A2M: variants seen among roughly 807,000 people sequenced by gnomAD.
The protein encoded by A2M is C3 and PZP-like alpha-2-macroglobulin domain-containing protein 5.
A neutral mutation model predicts 183.9 loss-of-function variants in A2M; 128 were observed. The observed-to-expected ratio is 0.70, with a 90% CI of 0.60 to 0.81. The LOEUF is 0.81. Ranked by LOEUF, A2M falls within the 30% of genes least tolerant of loss-of-function variation. The pLI is 0.00. For missense variants in A2M, 1,495 were observed against 1,787.6 expected, an observed-to-expected ratio of 0.84 and a Z score of 2.95; for synonymous variants, 592 against 670.8, an observed-to-expected ratio of 0.88 and a Z score of 1.81.
intron 25 of A2M, among the ~76,000 whole-genome samples, chr12:9,078,072 A>G (rs374264464): frequency 1.3e-5 from 2 of 152,246 alleles, no homozygotes; most frequent in South Asian, 2.1e-4. Context: ...GTCTTAGTAT[A>G]TTTAATTTTA....
intron 22 of A2M, among the ~76,000 whole-genome samples, chr12:9,084,968 A>G (rs1176173565): frequency 6.6e-6 from 1 of 152,176 alleles, no homozygotes; most frequent in African/African-American, 2.4e-5. Context: ...GGGTCAATTC[A>G]TCAAAAGGAT....
chr12:9,079,432 A>C (rs1369766275), intron 24 of A2M, 101 bp from the exon 25 acceptor site: 1 of 1,292,592 alleles, frequency 7.7e-7, no homozygotes, highest in African/African-American at 1.5e-5. Flanking sequence ...ACATTTCTTA[A>C]ATTTTGTTGT....
rs1383184509 is a variant in A2M, at chr12:9,109,985, A to G, written c.555T>C (p.Gly185=). Residue 185 remains glycine, a synonymous_variant, in exon 6 of 36, where the codon GGT becomes GGC. Coordinates refer to ENST00000318602, the MANE Select transcript of A2M (RefSeq NM_000014.6). The part of the protein sequence containing the change: ...IAQWQSFQLE[G]GLKQFSFPLS... ...GGGGAAAAGAAAATTGCTTGAGGCC[A>G]CCCTCTAACTGGAAACTCTGCCATT... 1 of 1,613,692 alleles carries G rather than the reference A, an allele frequency of 6.2e-7. No homozygotes were observed. The highest frequency in any genetic ancestry group is 8.5e-7 in the Non-Finnish European group (1 of 1,179,748).
intron 33 of A2M, 59 bp from the exon 34 acceptor site, chr12:9,068,901 AGTTT>A: frequency 2.4e-6 from 3 of 1,259,738 alleles, no homozygotes. Flanking sequence ...TCTTTGAATT[AGTTT>A]AAGTATTCAC....
intron 29 of A2M, 124 bp from the exon 30 acceptor site, chr12:9,072,995 A>G: frequency 1.5e-6 from 1 of 677,998 alleles, no homozygotes; most frequent in South Asian, 2.0e-5. Context: ...TAAATATAGG[A>G]GCTGTAATTT....
chr12:9,089,337 A>G (rs1440718846), intron 21 of A2M, 86 bp from the exon 22 acceptor site: 6 of 954,542 alleles, frequency 6.3e-6, no homozygotes, highest in Non-Finnish European at 9.9e-6. Flanking sequence ...ATATTTGGAT[A>G]GTGAAGAGAA....
In A2M at chr12:9,069,758, A is replaced by T. The variant is rs754055989; in HGVS notation, c.4250T>A (p.Ile1417Asn). ...RTEVSSNHVL[I>N]YLDKVSNQTL... Reference sequence around the variant, plus strand: ...AAGTTCTCTTACCTTATCAAGGTAAATCAAGACATGGTTGCTGCTGACTTC... The same window carrying T: ...AAGTTCTCTTACCTTATCAAGGTAATTCAAGACATGGTTGCTGCTGACTTC... Residue 1417 changes from isoleucine to asparagine, a missense_variant, in exon 33 of 36, where the codon ATT (isoleucine) becomes AAT (asparagine). Coordinates refer to ENST00000318602, the MANE Select transcript of A2M (RefSeq NM_000014.6). The T allele has an allele frequency of 1.4e-5, 22 of 1,612,514 alleles. No individual in the cohort carries two copies. The highest frequency in any genetic ancestry group is 8.5e-7 in the Non-Finnish European group (1 of 1,179,218).
At chr12:9,111,491 A>G in intron 4 of A2M, 1 of 456,210 alleles carries the variant, frequency 2.2e-6, no homozygotes, top group Admixed American at 2.4e-5. Context: ...AGCTTGCAGC[A>G]GTAGTTCAGA....
At chr12:9,079,982 G>A (rs1948860953) in intron 23 of A2M, 112 bp downstream of exon 23, 4 of 928,056 alleles carry the variant, frequency 4.3e-6, no homozygotes, top group Non-Finnish European at 6.1e-6. Context: ...CAAAGAAGAA[G>A]AGAAGAAAGA....
chr12:9,093,326 T>C, intron 18 of A2M, 139 bp downstream of exon 18: 2 of 615,062 alleles, frequency 3.3e-6, no homozygotes, highest in South Asian at 4.2e-5. Context: ...TCACTATGTG[T>C]ATGTGTATAT....
chr12:9,096,610 A>C (rs1355578520), intron 15 of A2M, among the ~76,000 whole-genome samples: 1 of 152,244 alleles, frequency 6.6e-6, no homozygotes, highest in Non-Finnish European at 1.5e-5. Context: ...GTCCATTTGA[A>C]GGTGAGAAGT....
At position 9,093,521 on chromosome 12, in the gene A2M, C is replaced by T. The variant is rs758212224; in HGVS notation, c.2184G>A (p.Thr728=). 9.3e-6 allele frequency: 15 copies of T among 1,613,508 alleles called. No individual in the cohort carries two copies. In the Middle Eastern group the frequency reaches 4.9e-4, roughly 53 times the overall value. The change falls in exon 18 of 36, where the codon ACG becomes ACA. Residue 728 remains threonine (T), a synonymous_variant. Coordinates refer to ENST00000318602, the MANE Select transcript of A2M (RefSeq NM_000014.6). Reference sequence around the variant, plus strand: ...CAGGGAAGTACTTTCGTACGGTCTCCGTGTGAGGCTCTTCAACATGCACCA... The same window carrying T: ...CAGGGAAGTACTTTCGTACGGTCTCTGTGTGAGGCTCTTCAACATGCACCA... ...ARLVHVEEPH[T]ETVRKYFPET...
intron 7 of A2M, 147 bp from the exon 8 acceptor site, chr12:9,107,791 G>T: frequency 2.6e-6 from 2 of 771,758 alleles, no homozygotes; most frequent in East Asian, 2.7e-5. Context: ...TTGAAGACAA[G>T]AGTCACTAAT....
Position 9,074,802 on chromosome 12 carries a change from ATATT to A in A2M, c.3533-23_3533-20del. 1 of 1,585,520 alleles carries A rather than the reference ATATT, an allele frequency of 6.3e-7. No homozygotes were observed. The highest frequency in any genetic ancestry group is 1.8e-5 in the Admixed American group (1 of 56,000). On this transcript the variant is annotated intron_variant, in intron 28 of 35. Transcript: ENST00000318602. ...GAGTTGTCTTAAAGATGAGAAAAAG[ATATT>A]TATAAGTGCCTACATATTTATATTT...
intron 34 of A2M, among the ~76,000 whole-genome samples, chr12:9,068,455 G>A (rs1948461216): frequency 6.6e-6 from 1 of 152,102 alleles, no homozygotes. Context: ...CTCTTCAGAT[G>A]TTCTACTTAC....
intron 20 of A2M, 135 bp from the exon 21 acceptor site, chr12:9,090,158 A>T (rs1369265052): frequency 2.5e-5 from 35 of 1,386,278 alleles, no homozygotes; most frequent in African/African-American, 4.3e-5. Context: ...GAAACATGCA[A>T]ATGAGAGGTG....
intron 10 of A2M, among the ~76,000 whole-genome samples, chr12:9,104,847 T>C (rs749773585): frequency 2.0e-5 from 3 of 152,300 alleles, no homozygotes; most frequent in African/African-American, 7.2e-5. Context: ...ACACCTATTT[T>C]GGAGTGGACC....
At chr12:9,077,930 T>A in intron 25 of A2M, 73 bp from the exon 26 acceptor site, 1 of 1,577,740 alleles carries the variant, frequency 6.3e-7, no homozygotes, top group Middle Eastern at 1.7e-4. Flanking sequence ...AGCAACAGGC[T>A]TCATATGATG....
chr12:9,110,111 C>T (rs1938612313), intron 5 of A2M, 76 bp from the exon 6 acceptor site: 6 of 1,483,210 alleles, frequency 4.0e-6, no homozygotes, highest in East Asian at 4.5e-5. Flanking sequence ...TATGGAAACC[C>T]TAAGTTATCT....
Sources: allele counts gnomAD v4.1 joint callset (sites outside exome capture counted in the v4.1 genomes callset), GRCh38; gene constraint gnomAD v4.1.1; transcripts MANE v1.5; gene names NCBI Gene and HGNC (gene_info 2026-07-23, HGNC 2026-07-21).